KLHL13: variants seen among roughly 807,000 people sequenced by gnomAD.
The protein encoded by KLHL13 is kelch like family member 13.
In KLHL13, 10 loss-of-function variants were observed where a neutral mutation model predicts 37.1. That is an observed-to-expected ratio of 0.27 (90% confidence interval 0.17 to 0.46). The LOEUF is 0.46. KLHL13 is among the 20% of genes least tolerant of loss of function. KLHL13 has a pLI of 1.00. For synonymous variants in KLHL13, 163 were observed against 181.2 expected, an observed-to-expected ratio of 0.90 and a Z score of 0.81; for missense variants, 360 against 509.3, an observed-to-expected ratio of 0.71 and a Z score of 2.82.
At chrX:117,919,669 C>T in exon 4 of KLHL13, 5 of 1,207,282 alleles carry the variant, frequency 4.1e-6, no homozygotes, top group Non-Finnish European at 5.6e-6. Context: ...ACCGACTTTG[C>T]TCACACCATG....
At chrX:117,961,591 A>G (rs1056051720) in intron 1 of KLHL13, among the ~76,000 whole-genome samples, 1 of 111,602 alleles carries the variant, frequency 9.0e-6, no homozygotes, top group African/African-American at 3.3e-5. Context: ...AGCCTAATCT[A>G]ATTACATGAG....
chrX:117,902,766 C>T (rs184655197), intron 5 of KLHL13, among the ~76,000 whole-genome samples: 91 of 111,089 alleles, frequency 8.2e-4, no homozygotes, highest in African/African-American at 2.9e-3. Flanking sequence ...GTTAAGAGAA[C>T]TCATCAAAAG....
intron 1 of KLHL13, among the ~76,000 whole-genome samples, chrX:118,009,846 T>C (rs1434296486): frequency 3.2e-5 from 3 of 93,866 alleles, no homozygotes; most frequent in Non-Finnish European, 6.3e-5. Context: ...TTGGGCAGTA[T>C]GGCCATTTTC....
Position 118,096,844 on chromosome X carries a change from T to A in KLHL13, c.-56+19664A>T, listed in dbSNP as rs1038649753. ...GACAAAAACCACATGATTATCTCAA[T>A]AGATGCAGAAAAGGCCTTTGACAAA... On this transcript the variant is annotated intron_variant, in intron 1 of 6. Transcript: ENST00000371882. 7.2e-5 allele frequency among the ~76,000 whole-genome samples: 8 copies of A among 111,605 alleles called. No individual in the cohort carries two copies. The South Asian group carries it at 1.1e-3, about 16-fold the overall frequency.
chrX:118,097,054 A>G (rs905737525), intron 1 of KLHL13, among the ~76,000 whole-genome samples: 1 of 111,389 alleles, frequency 9.0e-6, no homozygotes, highest in African/African-American at 3.3e-5. Flanking sequence ...CTCCTATTCA[A>G]CATAGTTTTG....
chrX:118,039,009 G>A (rs2054479921), intron 1 of KLHL13, among the ~76,000 whole-genome samples: 1 of 112,189 alleles, frequency 8.9e-6, no homozygotes, highest in African/African-American at 3.2e-5. Flanking sequence ...CCCCATTCCA[G>A]GCCCTAGTTC....
intron 1 of KLHL13, among the ~76,000 whole-genome samples, chrX:117,967,458 TAA>T (rs2053455376): frequency 9.0e-6 from 1 of 111,503 alleles, no homozygotes; most frequent in African/African-American, 3.3e-5. Context: ...CTAAATATTC[TAA>T]GTTTCAAGCA....
At chrX:118,034,238 G>A (rs1248524542) in intron 1 of KLHL13, among the ~76,000 whole-genome samples, 1 of 105,755 alleles carries the variant, frequency 9.5e-6, no homozygotes, top group Non-Finnish European at 1.9e-5. Context: ...GCACCAAGCA[G>A]ACCTAATAGA....
chrX:117,927,507 G>A (rs1299678153), intron 2 of KLHL13, among the ~76,000 whole-genome samples: 1 of 112,272 alleles, frequency 8.9e-6, no homozygotes, highest in Non-Finnish European at 1.9e-5. Context: ...TGGCAGAGCA[G>A]GGAAAATAAG....
At chrX:117,975,147 T>C (rs2147911279), upstream of KLHL13, among the ~76,000 whole-genome samples, 1 of 108,738 alleles carries the variant, frequency 9.2e-6, no homozygotes, top group South Asian at 3.9e-4. Flanking sequence ...CAGGGGCAAC[T>C]TGTTTGAAAT....
chrX:117,898,931 C>G lies in KLHL13; in HGVS notation c.1945G>C (p.Glu649Gln), dbSNP rs1480072317. The G allele has an allele frequency of 3.3e-6, 4 of 1,208,284 alleles. No individual in the cohort carries two copies. The Admixed American group carries it at 8.7e-5, about 26-fold the overall frequency. ...TCTTAAGGTGCAGAAAGAGGGGACT[C>G]TCTAGAAGGTGATGGTGTGGTTTCT... Residue 649 changes from glutamate to glutamine, a missense_variant, in exon 7 of 7, where the codon GAG becomes CAG. This residue lies in a region of KLHL13 where 166 missense variants were observed against 284.3 expected (regional missense o/e 0.58). Transcript: ENST00000262820.
chrX:118,008,945 C>T (rs767058819), intron 1 of KLHL13, among the ~76,000 whole-genome samples: 8 of 111,611 alleles, frequency 7.2e-5, no homozygotes, highest in South Asian at 3.8e-4. Flanking sequence ...TACAAAGTAA[C>T]GCTATTTAAG....
intron 1 of KLHL13, among the ~76,000 whole-genome samples, chrX:118,011,874 T>C (rs1602648936): frequency 8.9e-6 from 1 of 112,621 alleles, no homozygotes; most frequent in Non-Finnish European, 1.9e-5. Flanking sequence ...AGTGGGATTA[T>C]ACTTTCCTAT....
chrX:117,931,344 A>G (rs1352636970), intron 2 of KLHL13, among the ~76,000 whole-genome samples: 1 of 111,923 alleles, frequency 8.9e-6, no homozygotes, highest in East Asian at 2.8e-4. Context: ...TAATCAGGAA[A>G]TGATTTGTTT....
intron 1 of KLHL13, among the ~76,000 whole-genome samples, chrX:118,095,597 A>G (rs1470079562): frequency 8.9e-6 from 1 of 111,748 alleles, no homozygotes; most frequent in African/African-American, 3.3e-5. Flanking sequence ...CATTCTTTTC[A>G]GCACCACACC....
At chrX:117,998,172 C>T (rs2053877245) in intron 1 of KLHL13, among the ~76,000 whole-genome samples, 1 of 111,795 alleles carries the variant, frequency 8.9e-6, no homozygotes, top group Non-Finnish European at 1.9e-5. Context: ...CATAGGTACA[C>T]AGAAACCCCA....
At chrX:118,026,029 G>T (rs994802320) in intron 1 of KLHL13, among the ~76,000 whole-genome samples, 7 of 111,598 alleles carry the variant, frequency 6.3e-5, no homozygotes, top group Non-Finnish European at 1.3e-4. Context: ...ATCCTGCATG[G>T]ATAAAGGGGG....
At chrX:118,012,446 T>A (rs1433949701) in intron 1 of KLHL13, among the ~76,000 whole-genome samples, 4 of 110,372 alleles carry the variant, frequency 3.6e-5, no homozygotes, top group Non-Finnish European at 7.6e-5. Context: ...CCTTCCTATA[T>A]CTTCAAAGAG....
At chrX:118,067,454 T>A (rs1454309270) in intron 1 of KLHL13, among the ~76,000 whole-genome samples, 1 of 110,195 alleles carries the variant, frequency 9.1e-6, no homozygotes, top group African/African-American at 3.3e-5. Flanking sequence ...TATAAAAAAA[T>A]TTCTCTTTCT....
Sources: gnomAD v4.1 joint callset for allele counts (sites outside exome capture counted in the v4.1 genomes callset) on GRCh38, gnomAD v4.1.1 for gene constraint, gnomAD v4.1.1 regional missense constraint, MANE v1.5 for transcripts, NCBI Gene and HGNC (gene_info 2026-07-23, HGNC 2026-07-21) for gene names.